The following MACROD2 variants were observed in gnomAD, a reference collection of about 807,000 sequenced individuals.
MACROD2 encodes the protein mono-ADP ribosylhydrolase 2.
MACROD2 carries 36 observed loss-of-function variants against 70.4 expected under a neutral mutation model. The ratio of observed to expected loss-of-function variants is 0.51; its 90% CI spans 0.39 to 0.68. MACROD2 has a LOEUF of 0.68. MACROD2 is among the 30% of genes least tolerant of loss of function. The probability of loss-of-function intolerance (pLI) is 0.00; values close to 1 mark genes in which losing one functional copy is unlikely to be tolerated. For missense variants in MACROD2, 496 were observed against 538.4 expected, an observed-to-expected ratio of 0.92 and a Z score of 0.78; for synonymous variants, 172 against 178.8, an observed-to-expected ratio of 0.96 and a Z score of 0.30.
intron 3 of MACROD2, among the ~76,000 whole-genome samples, chr20:14,125,065 T>C (rs528850344): frequency 6.6e-6 from 1 of 152,114 alleles, no homozygotes; most frequent in Non-Finnish European, 1.5e-5. Context: ...AGGTTACATA[T>C]TGTAGGCTTT....
chr20:15,996,149 A>T (rs958201697), intron 15 of MACROD2, among the ~76,000 whole-genome samples: 2 of 152,012 alleles, frequency 1.3e-5, no homozygotes, highest in African/African-American at 4.8e-5. Flanking sequence ...TTTTTTCCAC[A>T]CCCTCACCAA....
chr20:15,764,925 C>T (rs1481160440), intron 8 of MACROD2, among the ~76,000 whole-genome samples: 1 of 152,200 alleles, frequency 6.6e-6, no homozygotes. Context: ...TCACTCTACC[C>T]ATGCTGGCCT....
intron 15 of MACROD2, among the ~76,000 whole-genome samples, chr20:16,009,454 C>A (rs775113): frequency 6.6e-5 from 10 of 152,112 alleles, no homozygotes; most frequent in Non-Finnish European, 1.0e-4. Context: ...GTTGTTTCTG[C>A]TGAGATCAAA....
In MACROD2 at chr20:15,166,105, T is replaced by A. The variant is rs367693234; in HGVS notation, c.419-63835T>A. Reference sequence around the variant, plus strand: ...GCTGGGGGTAGGAACAGGTATTGACTGCAAATGGGCACGGAGGATCTTTCT... The same window carrying A: ...GCTGGGGGTAGGAACAGGTATTGACAGCAAATGGGCACGGAGGATCTTTCT... On this transcript the variant is annotated intron_variant, in intron 5 of 17. Transcript: ENST00000684519. Among the ~76,000 whole-genome samples, 31 of 152,278 alleles carry A rather than the reference T, an allele frequency of 2.0e-4. 1 individual carries two copies. The East Asian group carries it at 3.7e-3, about 18-fold the overall frequency.
chr20:15,375,565 T>C (rs555304697), intron 6 of MACROD2, among the ~76,000 whole-genome samples: 2 of 152,300 alleles, frequency 1.3e-5, no homozygotes, highest in East Asian at 3.9e-4. Context: ...TTAAAATGAC[T>C]ATTAAAGGCT....
intron 4 of MACROD2, among the ~76,000 whole-genome samples, chr20:14,639,095 A>G (rs1292975595): frequency 6.6e-6 from 1 of 152,146 alleles, no homozygotes; most frequent in East Asian, 1.9e-4. Flanking sequence ...GGGAAACTGG[A>G]TATCTTGTTC....
At chr20:15,732,364 A>G (rs1206942527) in intron 8 of MACROD2, among the ~76,000 whole-genome samples, 1 of 152,168 alleles carries the variant, frequency 6.6e-6, no homozygotes, top group Non-Finnish European at 1.5e-5. Flanking sequence ...TGACTGCTGC[A>G]GAGTCACCTA....
At chr20:14,324,535 A>G (rs979037689) in intron 3 of MACROD2, 1 of 152,382 alleles carries the variant, frequency 6.6e-6, no homozygotes, top group Non-Finnish European at 1.5e-5. Flanking sequence ...TTTTTCTTTA[A>G]ATTATCTCTT....
intron 3 of MACROD2, among the ~76,000 whole-genome samples, chr20:14,281,629 A>G (rs2327843): frequency 2.0e-5 from 3 of 152,012 alleles, no homozygotes; most frequent in South Asian, 2.1e-4. Flanking sequence ...TATGTGAGTT[A>G]TATCTCAATT....
At chr20:14,583,689 G>A (rs891818030) in intron 4 of MACROD2, among the ~76,000 whole-genome samples, 4 of 152,172 alleles carry the variant, frequency 2.6e-5, no homozygotes, top group Admixed American at 1.3e-4. Context: ...TTAGAAGGTT[G>A]TTGAAAGGAT....
At chr20:14,677,660 T>C (rs2070878521) in intron 4 of MACROD2, among the ~76,000 whole-genome samples, 1 of 152,164 alleles carries the variant, frequency 6.6e-6, no homozygotes, top group Admixed American at 6.6e-5. Flanking sequence ...GTGAGTGACC[T>C]CAGTGTTCAC....
At chr20:15,312,621 G>A (rs76918694) in intron 6 of MACROD2, among the ~76,000 whole-genome samples, 141 of 152,240 alleles carry the variant, frequency 9.3e-4, no homozygotes, top group African/African-American at 2.6e-3. Flanking sequence ...TAAAGGAAAT[G>A]TATGTTGTGT....
intron 5 of MACROD2, among the ~76,000 whole-genome samples, chr20:14,874,546 G>T (rs535488657): frequency 6.6e-6 from 1 of 151,746 alleles, no homozygotes; most frequent in South Asian, 2.1e-4. Flanking sequence ...GAGCAAGATA[G>T]AAATAATTTT....
chr20:14,767,733 C>T (rs981008813), intron 5 of MACROD2, among the ~76,000 whole-genome samples: 2 of 151,614 alleles, frequency 1.3e-5, no homozygotes, highest in Admixed American at 1.3e-4. Flanking sequence ...GGTGGTTTGC[C>T]GCACCCATCA....
At chr20:15,122,154 T>C (rs2076035502) in intron 5 of MACROD2, among the ~76,000 whole-genome samples, 1 of 152,208 alleles carries the variant, frequency 6.6e-6, no homozygotes, top group Non-Finnish European at 1.5e-5. Context: ...GTAAGCTAGT[T>C]CTCCTCTTTT....
intron 4 of MACROD2, among the ~76,000 whole-genome samples, chr20:14,574,545 G>T (rs966891393): frequency 3.9e-5 from 6 of 151,940 alleles, no homozygotes; most frequent in Non-Finnish European, 7.4e-5. Context: ...CTTTTCACTT[G>T]CCCCCTAGTA....
At chr20:15,924,022 T>C (rs2065451895) in intron 10 of MACROD2, among the ~76,000 whole-genome samples, 1 of 152,220 alleles carries the variant, frequency 6.6e-6, no homozygotes, top group Admixed American at 6.5e-5. Flanking sequence ...TTATCATCTA[T>C]GGGATCATAC....
intron 5 of MACROD2, among the ~76,000 whole-genome samples, chr20:15,110,962 T>C (rs2075949573): frequency 6.6e-6 from 1 of 152,186 alleles, no homozygotes; most frequent in Non-Finnish European, 1.5e-5. Flanking sequence ...AGCACCTGCA[T>C]CCAATACTTA....
intron 4 of MACROD2, among the ~76,000 whole-genome samples, chr20:14,589,257 G>C (rs1981597018): frequency 6.6e-6 from 1 of 152,040 alleles, no homozygotes; most frequent in Non-Finnish European, 1.5e-5. Flanking sequence ...ACTAATTTCT[G>C]AAAGAGTTGT....
Sources: gnomAD v4.1 joint callset for allele counts (sites outside exome capture counted in the v4.1 genomes callset) on GRCh38, gnomAD v4.1.1 for gene constraint, MANE v1.5 for transcripts, NCBI Gene and HGNC (gene_info 2026-07-23, HGNC 2026-07-21) for gene names.